MCTP2: variants seen among roughly 807,000 people sequenced by gnomAD.
MCTP2 encodes the protein multiple C2 and transmembrane domain-containing protein 2.
In MCTP2, 132 loss-of-function variants were observed where a neutral mutation model predicts 111.6. That is an observed-to-expected ratio of 1.18 (90% CI 1.03 to 1.37). MCTP2 has a LOEUF of 1.37. Ranked by LOEUF, MCTP2 falls within the 40% of genes most tolerant of loss-of-function variation. The probability of loss-of-function intolerance (pLI) is 0.00; values close to 1 mark genes in which losing one functional copy is unlikely to be tolerated. For synonymous variants in MCTP2, 395 were observed against 387.7 expected (o/e 1.02, Z -0.22); for missense variants, 1,183 against 1,067.9 (o/e 1.11, Z -1.50).
Position 94,345,136 on chromosome 15 carries a change from C to A in MCTP2, c.977C>A (p.Ser326Ter). 2 of 1,612,592 alleles carry A rather than the reference C, an allele frequency of 1.2e-6. No individual in the cohort carries two copies. Among genetic ancestry groups the A allele is most frequent in the South Asian group, 2.2e-5 (2 of 90,932 alleles). Residue 326 changes from serine to a stop codon, truncating the protein, a stop_gained, in exon 8 of 23, where the codon TCA (serine) becomes TAA (stop). Coordinates refer to ENST00000357742, the MANE Select transcript of MCTP2 (RefSeq NM_001385001.1). LOFTEE classifies it high-confidence loss of function. Reference sequence around the variant, plus strand: ...GCGGACACAAATCTTTAGCGTTGGTCAAATCGGAAGCGATTAAGTGCCAGC... The same window carrying A: ...GCGGACACAAATCTTTAGCGTTGGTAAAATCGGAAGCGATTAAGTGCCAGC... The part of the protein sequence containing the change: ...KQGDFKRHRW[S>*]NRKRLSASKS...
intron 4 of MCTP2, among the ~76,000 whole-genome samples, chr15:94,338,458 A>G (rs1007896533): frequency 3.3e-5 from 5 of 151,426 alleles, no homozygotes; most frequent in African/African-American, 1.2e-4. Context: ...CACACGCACA[A>G]TACATAATTC....
rs1343420376 is a variant in MCTP2, at chr15:94,268,180, CTTTCTTT to C, written c.-65-30017_-65-30011del. ...CACGCCCGGCCCAAATTCATTCTTT[CTTTCTTT>C]TTTTTTTTTTTGAGACAGAGTTTCG... On this transcript the variant is annotated intron_variant, in intron 1 of 22. Transcript: ENST00000357742. 3.0e-5 allele frequency among the ~76,000 whole-genome samples: 4 copies of C among 134,392 alleles called. No homozygotes were observed. The East Asian group carries it at 8.6e-4, about 29-fold the overall frequency. The allele number at this position is 134,392 out of a possible 152,430, so 88.2% of individuals were successfully genotyped here.
At chr15:94,384,834 A>T (rs1021286858) in intron 13 of MCTP2, among the ~76,000 whole-genome samples, 4 of 152,226 alleles carry the variant, frequency 2.6e-5, no homozygotes, top group African/African-American at 9.6e-5. Context: ...TCTGCTAAAC[A>T]CTTTTGCCAA....
At chr15:94,329,690 G>A (rs543808290) in intron 4 of MCTP2, among the ~76,000 whole-genome samples, 1 of 152,190 alleles carries the variant, frequency 6.6e-6, no homozygotes, top group Admixed American at 6.5e-5. Flanking sequence ...CAACATTAGG[G>A]ATTACACCTC....
chr15:94,357,555 TTTTG>T (rs2078695187), intron 9 of MCTP2, among the ~76,000 whole-genome samples: 1 of 142,476 alleles, frequency 7.0e-6, no homozygotes, highest in African/African-American at 2.6e-5. Flanking sequence ...TTGTTTTTTT[TTTTG>T]TTTTTGTTTT....
chr15:94,258,034 ATTTTTTTTT>A (rs60905293), intron 1 of MCTP2, among the ~76,000 whole-genome samples: 1,914 of 98,976 alleles, frequency 0.019, 40 homozygotes, highest in African/African-American at 0.073. Context: ...CCACCATGTC[ATTTTTTTTT>A]TTTTTTTTTT....
At chr15:94,427,590 G>A (rs1242894232) in intron 17 of MCTP2, among the ~76,000 whole-genome samples, 1 of 152,160 alleles carries the variant, frequency 6.6e-6, no homozygotes, top group Non-Finnish European at 1.5e-5. Context: ...TCACCCGCAT[G>A]ATTTAATCAC....
At chr15:94,270,719 C>T (rs1407388306) in intron 1 of MCTP2, among the ~76,000 whole-genome samples, 1 of 152,202 alleles carries the variant, frequency 6.6e-6, no homozygotes, top group Non-Finnish European at 1.5e-5. Flanking sequence ...TTCTCCCACA[C>T]TTTCTTCCAC....
chr15:94,331,096 A>G (rs1394092656), intron 4 of MCTP2, among the ~76,000 whole-genome samples: 1 of 152,234 alleles, frequency 6.6e-6, no homozygotes, highest in Non-Finnish European at 1.5e-5. Flanking sequence ...CTATTCAACC[A>G]AATGACCAAT....
intron 8 of MCTP2, among the ~76,000 whole-genome samples, chr15:94,349,819 GAAA>G (rs1201748064): frequency 1.6e-5 from 2 of 126,550 alleles, no homozygotes; most frequent in Admixed American, 7.9e-5. Flanking sequence ...GACTCTGTCT[GAAA>G]AAAAAAAAAA....
intron 1 of MCTP2, among the ~76,000 whole-genome samples, chr15:94,259,461 G>A (rs1442420074): frequency 1.3e-5 from 2 of 152,162 alleles, no homozygotes; most frequent in Non-Finnish European, 2.9e-5. Flanking sequence ...CAAATGGAAA[G>A]GATTTTGTTT....
intron 17 of MCTP2, among the ~76,000 whole-genome samples, chr15:94,432,116 C>T (rs189671622): frequency 6.6e-6 from 1 of 152,132 alleles, no homozygotes; most frequent in African/African-American, 2.4e-5. Context: ...CTAGCCCTTC[C>T]TTGGACTTCC....
At chr15:94,382,724 C>T (rs551210518) in intron 12 of MCTP2, among the ~76,000 whole-genome samples, 1 of 152,398 alleles carries the variant, frequency 6.6e-6, no homozygotes, top group African/African-American at 2.4e-5. Flanking sequence ...GGCTTAGGCC[C>T]TGGCCTGGGA....
At chr15:94,344,582 A>AT (rs1316507770) in intron 7 of MCTP2, among the ~76,000 whole-genome samples, 2 of 152,058 alleles carry the variant, frequency 1.3e-5, no homozygotes, top group African/African-American at 4.8e-5. Context: ...CTATTTAGAA[A>AT]TTTTTTTCCT....
chr15:94,471,190 G>A (rs2073896033), intron 21 of MCTP2, among the ~76,000 whole-genome samples: 1 of 152,172 alleles, frequency 6.6e-6, no homozygotes, highest in African/African-American at 2.4e-5. Context: ...CTGAAATGTT[G>A]GAGAAGCAGT....
At chr15:94,313,590 A>C (rs1258984275) in intron 2 of MCTP2, among the ~76,000 whole-genome samples, 4 of 151,868 alleles carry the variant, frequency 2.6e-5, no homozygotes, top group Non-Finnish European at 4.4e-5. Flanking sequence ...AATCCCAGCT[A>C]CTCGGGAGGC....
At chr15:94,301,113 G>T (rs1052581649) in intron 2 of MCTP2, among the ~76,000 whole-genome samples, 2 of 152,148 alleles carry the variant, frequency 1.3e-5, no homozygotes, top group Non-Finnish European at 1.5e-5. Flanking sequence ...TTTAACCTTT[G>T]TTCTCAAAAA....
At chr15:94,242,136 A>G (rs1420013223) in intron 1 of MCTP2, among the ~76,000 whole-genome samples, 1 of 152,094 alleles carries the variant, frequency 6.6e-6, no homozygotes, top group African/African-American at 2.4e-5. Flanking sequence ...GCAAGTAATG[A>G]AGGCCTATGC....
chr15:94,254,380 A>T (rs770143218), intron 1 of MCTP2, among the ~76,000 whole-genome samples: 18 of 152,194 alleles, frequency 1.2e-4, no homozygotes, highest in Non-Finnish European at 2.5e-4. Context: ...ACCTGGTTCG[A>T]ATCCTGGCAC....
Sources: allele counts gnomAD v4.1 joint callset (sites outside exome capture counted in the v4.1 genomes callset), GRCh38; gene constraint gnomAD v4.1.1; transcripts MANE v1.5; gene names NCBI Gene and HGNC (gene_info 2026-07-23, HGNC 2026-07-21).